ELMOD2: variants seen among roughly 807,000 people sequenced by gnomAD.
ELMOD2 encodes ELMO domain containing 2.
Under a neutral mutation model 41.0 loss-of-function variants are expected in ELMOD2, and 28 were observed. The observed-to-expected ratio is 0.68, with a 90% CI of 0.51 to 0.94. ELMOD2 has a LOEUF of 0.94. ELMOD2 is among the 40% of genes least tolerant of loss of function. The pLI, the probability that ELMOD2 is intolerant of heterozygous loss-of-function variation, is 0.00. For synonymous variants in ELMOD2, 106 were observed against 107.2 expected (o/e 0.99, Z 0.07); for missense variants, 333 against 343.1 (o/e 0.97, Z 0.23).
intron 7 of ELMOD2, 102 bp from the exon 8 acceptor site, chr4:140,543,351 G>A (rs568933998): frequency 1.6e-6 from 2 of 1,241,386 alleles, no homozygotes; most frequent in South Asian, 1.4e-5. Flanking sequence ...AATCAATACT[G>A]TGTTAAACCT....
chr4:140,528,534 T>C (rs560417890), intron 3 of ELMOD2, among the ~76,000 whole-genome samples: 2 of 152,360 alleles, frequency 1.3e-5, no homozygotes, highest in African/African-American at 4.8e-5. Flanking sequence ...ATTTTAAATA[T>C]TTCTGTGTAC....
chr4:140,527,592 G>C, intron 3 of ELMOD2, 98 bp downstream of exon 3: 1 of 990,918 alleles, frequency 1.0e-6, no homozygotes, highest in African/African-American at 1.7e-5. Context: ...GTTTTCTATA[G>C]TGAGCATTGA....
At chr4:140,540,804 C>A (rs1379440138) in intron 6 of ELMOD2, among the ~76,000 whole-genome samples, 1 of 151,736 alleles carries the variant, frequency 6.6e-6, no homozygotes, top group East Asian at 1.9e-4. Flanking sequence ...TCTTTACTTA[C>A]CAATGCTTTC....
chr4:140,528,676 T>A (rs1050595966), intron 3 of ELMOD2, among the ~76,000 whole-genome samples: 3 of 152,172 alleles, frequency 2.0e-5, no homozygotes, highest in Non-Finnish European at 2.9e-5. Context: ...ATAGACCTTC[T>A]TGAGAGTTGC....
Position 140,532,552 on chromosome 4 carries a change from C to T in ELMOD2, c.172-3181C>T, listed in dbSNP as rs184563846. Among the ~76,000 whole-genome samples the T allele has an allele frequency of 3.7e-3, 558 of 152,228 alleles. 7 individuals carry two copies. The highest frequency in any genetic ancestry group is 0.02 in the Middle Eastern group (6 of 294). On this transcript the variant is annotated intron_variant, in intron 3 of 8. Coordinates refer to ENST00000323570, the MANE Select transcript of ELMOD2 (RefSeq NM_153702.4). ...AAAAATATGGACATTTCAGCAGATA[C>T]TGAAAAACTGTTTTGACAGAATTCA...
chr4:140,543,385 A>C, intron 7 of ELMOD2, 68 bp from the exon 8 acceptor site: 1 of 1,513,766 alleles, frequency 6.6e-7, no homozygotes, highest in Non-Finnish European at 8.9e-7. Flanking sequence ...ACTAATTCCT[A>C]ACATAATTTT....
At chr4:140,544,431 T>C (rs1391179065) in intron 8 of ELMOD2, among the ~76,000 whole-genome samples, 3 of 152,178 alleles carry the variant, frequency 2.0e-5, no homozygotes, top group African/African-American at 7.2e-5. Context: ...AACTGTACAA[T>C]ATCAGGCCTT....
At position 140,531,477 on chromosome 4, in the gene ELMOD2, C is replaced by T. The variant is rs549818132; in HGVS notation, c.171+3983C>T. Among the ~76,000 whole-genome samples the T allele has an allele frequency of 2.3e-3, 356 of 152,310 alleles. 2 individuals carry two copies. Among genetic ancestry groups the T allele is most frequent in the African/African-American group, 7.6e-3 (314 of 41,564 alleles). ...ATGGAGCAAAGCTCCACTGTACTTA[C>T]GCATATACAGGCATTTGAATTTCTG... On this transcript the variant is annotated intron_variant, in intron 3 of 8. Coordinates refer to ENST00000323570, the MANE Select transcript of ELMOD2 (RefSeq NM_153702.4).
chr4:140,532,763 A>T (rs576246305), intron 3 of ELMOD2, among the ~76,000 whole-genome samples: 26 of 152,326 alleles, frequency 1.7e-4, no homozygotes, highest in African/African-American at 6.3e-4. Flanking sequence ...CATACTAGAG[A>T]TCCTAAGTAG....
At chr4:140,540,491 C>T (rs568344235) in intron 6 of ELMOD2, among the ~76,000 whole-genome samples, 190 bp downstream of exon 6, 8 of 152,276 alleles carry the variant, frequency 5.3e-5, no homozygotes, top group African/African-American at 1.4e-4. Flanking sequence ...CAGTGGCTCA[C>T]GCCTGTAATC....
At position 140,525,371 on chromosome 4, in the gene ELMOD2, A is replaced by G. The variant is rs1330835749; in HGVS notation, c.-9-49A>G. On this transcript the variant is annotated intron_variant, in intron 1 of 8. Coordinates refer to ENST00000323570, the MANE Select transcript of ELMOD2 (RefSeq NM_153702.4). ...GTTGTATAAACTTTTTAAATTTTAA[A>G]ATTCAGTTTAAGGTCATTAAGCTTG... The G allele has an allele frequency of 2.6e-6, 4 of 1,550,806 alleles. No individual in the cohort carries two copies. In the East Asian group the frequency reaches 9.0e-5, roughly 35 times the overall value.
rs1333322624 is a variant in ELMOD2 at position 140,535,822 on chromosome 4, G to C, written c.261G>C (p.Lys87Asn). Reference protein sequence around the residue: ...IMKEKNINPEKDASFKICMKM... With the variant: ...IMKEKNINPENDASFKICMKM... Reference sequence around the variant, plus strand: ...AGGAAAAGAATATTAACCCTGAGAAGGATGCCAGGTGTGCGTTTTTTACAT... The same window carrying C: ...AGGAAAAGAATATTAACCCTGAGAACGATGCCAGGTGTGCGTTTTTTACAT... Residue 87 changes from lysine to asparagine, a missense_variant, in exon 4 of 9, where the codon AAG (lysine) becomes AAC (asparagine). Transcript: ENST00000323570. The C allele has an allele frequency of 6.2e-7, 1 of 1,601,554 alleles. No homozygotes were observed. Among genetic ancestry groups the C allele is most frequent in the Admixed American group, 1.8e-5 (1 of 55,964 alleles).
chr4:140,548,814 A>T (rs994796913), intron 8 of ELMOD2, among the ~76,000 whole-genome samples: 7 of 152,210 alleles, frequency 4.6e-5, no homozygotes, highest in African/African-American at 1.7e-4. Flanking sequence ...TTGATTACAT[A>T]CAAAGTAGGA....
intron 3 of ELMOD2, among the ~76,000 whole-genome samples, chr4:140,533,528 T>C (rs932480297): frequency 3.3e-5 from 5 of 152,208 alleles, no homozygotes; most frequent in African/African-American, 1.2e-4. Context: ...GTTAGACCTA[T>C]GTTTAAGCTA....
At chr4:140,542,453 T>G (rs1735136530) in intron 6 of ELMOD2, 121 bp from the exon 7 acceptor site, 3 of 666,750 alleles carry the variant, frequency 4.5e-6, no homozygotes, top group African/African-American at 3.6e-5. Flanking sequence ...TTGAGACAGA[T>G]ATCAGGATAC....
At chr4:140,528,221 C>T (rs2110821136) in intron 3 of ELMOD2, among the ~76,000 whole-genome samples, 1 of 152,214 alleles carries the variant, frequency 6.6e-6, no homozygotes, top group South Asian at 2.1e-4. Flanking sequence ...TATGATATGC[C>T]CACCGTAAGG....
chr4:140,545,030 T>G (rs1478767379), intron 8 of ELMOD2, among the ~76,000 whole-genome samples: 3 of 152,136 alleles, frequency 2.0e-5, no homozygotes, highest in African/African-American at 7.2e-5. Context: ...TTCATGAAAC[T>G]TTTTCAATAA....
At chr4:140,534,583 G>A (rs1324005542) in intron 3 of ELMOD2, among the ~76,000 whole-genome samples, 1 of 152,170 alleles carries the variant, frequency 6.6e-6, no homozygotes, top group African/African-American at 2.4e-5. Context: ...ACAGGAAAGA[G>A]TATTTGCTTA....
At chr4:140,534,921 C>G (rs1335280416) in intron 3 of ELMOD2, among the ~76,000 whole-genome samples, 1 of 152,128 alleles carries the variant, frequency 6.6e-6, no homozygotes, top group Non-Finnish European at 1.5e-5. Flanking sequence ...GTAATACATG[C>G]AAAAGGTATG....
Sources: gnomAD v4.1 joint callset for allele counts (sites outside exome capture counted in the v4.1 genomes callset) on GRCh38, gnomAD v4.1.1 for gene constraint, MANE v1.5 for transcripts, NCBI Gene and HGNC (gene_info 2026-07-23, HGNC 2026-07-21) for gene names.